The following BMP5 variants were observed in gnomAD, a reference collection of about 807,000 sequenced individuals.
The protein encoded by BMP5 is bone morphogenetic protein 5.
BMP5 carries 23 observed loss-of-function variants against 46.6 expected under a neutral mutation model. The ratio of observed to expected loss-of-function variants is 0.49; its 90% CI spans 0.35 to 0.70. The LOEUF (loss-of-function observed/expected upper bound fraction) is 0.70, where lower values mean the gene tolerates loss of function less well. Among genes scored for constraint, BMP5 ranks in the 30% least tolerant of loss-of-function variants. The pLI is 0.00. For synonymous variants in BMP5, 204 were observed against 191.9 expected, an observed-to-expected ratio of 1.06 and a Z score of -0.52; for missense variants, 545 against 565.6, an observed-to-expected ratio of 0.96 and a Z score of 0.37.
intron 1 of BMP5, among the ~76,000 whole-genome samples, chr6:55,872,728 CTTCT>C (rs1777814765): frequency 6.6e-6 from 1 of 151,704 alleles, no homozygotes; most frequent in African/African-American, 2.4e-5. Context: ...CATACATATG[CTTCT>C]TTGTCAGATT....
intron 1 of BMP5, among the ~76,000 whole-genome samples, chr6:55,839,495 TG>T (rs1484854147): frequency 6.6e-6 from 1 of 152,060 alleles, no homozygotes; most frequent in African/African-American, 2.4e-5. Context: ...TTCAATTTTT[TG>T]TAAAGACAGG....
intron 4 of BMP5, among the ~76,000 whole-genome samples, chr6:55,762,503 G>T (rs1395304711): frequency 6.6e-6 from 1 of 152,098 alleles, no homozygotes; most frequent in African/African-American, 2.4e-5. Flanking sequence ...CATTAAAACA[G>T]ATTAAATAAG....
intron 3 of BMP5, among the ~76,000 whole-genome samples, chr6:55,782,196 T>G (rs1775335855): frequency 6.6e-6 from 1 of 152,142 alleles, no homozygotes. Flanking sequence ...TTTGATTTGG[T>G]CATTACACTT....
chr6:55,757,455 T>G (rs2127514281), intron 6 of BMP5, among the ~76,000 whole-genome samples: 1 of 152,120 alleles, frequency 6.6e-6, no homozygotes, highest in East Asian at 1.9e-4. Flanking sequence ...CTGATATGCT[T>G]TCATGTCAAC....
intron 3 of BMP5, among the ~76,000 whole-genome samples, chr6:55,783,625 G>T (rs1335251427): frequency 1.3e-5 from 2 of 152,018 alleles, no homozygotes; most frequent in Non-Finnish European, 2.9e-5. Context: ...AGAAAAGAAA[G>T]AGTCAACCCT....
chr6:55,851,217 C>A (rs1777237352), intron 1 of BMP5, among the ~76,000 whole-genome samples: 1 of 151,560 alleles, frequency 6.6e-6, no homozygotes, highest in South Asian at 2.1e-4. Context: ...TTCTTCTCCC[C>A]ATTCTAAGCA....
At chr6:55,773,462 T>C (rs941464692) in intron 4 of BMP5, among the ~76,000 whole-genome samples, 1 of 151,842 alleles carries the variant, frequency 6.6e-6, no homozygotes, top group Non-Finnish European at 1.5e-5. Context: ...AAGACTGACA[T>C]GAATTGTGCA....
At chr6:55,865,509 T>C in intron 1 of BMP5, 1 of 437,990 alleles carries the variant, frequency 2.3e-6, no homozygotes, top group Admixed American at 2.6e-5. Flanking sequence ...GGCTCTGACA[T>C]AGACTGACCT....
chr6:55,773,207 G>A lies in BMP5; in HGVS notation c.1027+842C>T, dbSNP rs182323681. On this transcript the variant is annotated intron_variant, in intron 4 of 6. Coordinates refer to ENST00000370830, the MANE Select transcript of BMP5 (RefSeq NM_021073.4). ...GAATGCATATTTGACAAATAGATAA[G>A]TATGTGATACTACATTGAGATGTTC... Among the ~76,000 whole-genome samples the A allele has an allele frequency of 2.5e-3, 385 of 152,002 alleles. 1 individual carries two copies. Among genetic ancestry groups the A allele is most frequent in the Non-Finnish European group, 4.8e-3 (325 of 67,920 alleles).
chr6:55,832,147 C>G (rs1012696775), intron 1 of BMP5, among the ~76,000 whole-genome samples: 1 of 152,200 alleles, frequency 6.6e-6, no homozygotes, highest in African/African-American at 2.4e-5. Flanking sequence ...ACAAGTAGCT[C>G]TCCTGACATG....
At chr6:55,768,506 T>C (rs1203220299) in intron 4 of BMP5, among the ~76,000 whole-genome samples, 1 of 151,908 alleles carries the variant, frequency 6.6e-6, no homozygotes, top group Non-Finnish European at 1.5e-5. Context: ...GTTATGGGCA[T>C]GTGTAAGGGA....
chr6:55,845,580 C>G (rs921027268), intron 1 of BMP5, among the ~76,000 whole-genome samples: 1 of 151,944 alleles, frequency 6.6e-6, no homozygotes, highest in Non-Finnish European at 1.5e-5. Flanking sequence ...TGTACTGACA[C>G]TTTAAAATTA....
chr6:55,829,039 C>T (rs1001703129), intron 1 of BMP5, among the ~76,000 whole-genome samples: 3 of 151,740 alleles, frequency 2.0e-5, no homozygotes, highest in African/African-American at 7.3e-5. Flanking sequence ...AATAGAGACA[C>T]ATTAGTTTTA....
intron 6 of BMP5, among the ~76,000 whole-genome samples, chr6:55,756,053 A>G (rs1448046813): frequency 6.6e-6 from 1 of 152,026 alleles, no homozygotes; most frequent in African/African-American, 2.4e-5. Context: ...AAGTTACAAG[A>G]GCAAATCAAT....
At chr6:55,837,017 T>C (rs999020440) in intron 1 of BMP5, among the ~76,000 whole-genome samples, 2 of 152,036 alleles carry the variant, frequency 1.3e-5, no homozygotes, top group Admixed American at 1.3e-4. Flanking sequence ...GAAGAATTGC[T>C]GAAAATTATG....
At chr6:55,854,910 T>G (rs1022055176) in intron 1 of BMP5, among the ~76,000 whole-genome samples, 4 of 152,170 alleles carry the variant, frequency 2.6e-5, no homozygotes, top group African/African-American at 9.6e-5. Flanking sequence ...TTTTTTATAT[T>G]TTTGTATGCA....
rs979276603 is a variant in BMP5 at position 55,874,495 on chromosome 6, G to A, written c.371C>T (p.Pro124Leu). ...CGTCCGAGATAACTGTATGCGACGA[G>A]GATACCCATTGGGAGAGGCTGGGTA... ...KGYPASPNGY[P>L]RRIQLSRTTP... The change falls in exon 1 of 7, where the codon CCT (proline) becomes CTT (leucine). Residue 124 changes from proline to leucine, a missense_variant. By Grantham distance (98) the Pro-to-Leu change is moderately conservative (BLOSUM62 -3). Transcript: ENST00000370830. 6.2e-7 allele frequency: 1 copy of A among 1,613,404 alleles called. No homozygotes were observed. The highest frequency in any genetic ancestry group is 1.7e-5 in the Admixed American group (1 of 59,908).
intron 1 of BMP5, among the ~76,000 whole-genome samples, chr6:55,853,138 TAAATAAAATAAAATAAAATA>T (rs750937640): frequency 0.12 from 13,302 of 107,312 alleles, 1,093 homozygotes; most frequent in African/African-American, 0.17. Flanking sequence ...CTCAAATACA[TAAATAAAATAAAATAAAATA>T]AAATAAAATA....
chr6:55,794,212 T>TA (rs1305703804), intron 3 of BMP5, 67 bp downstream of exon 3: 3 of 1,556,976 alleles, frequency 1.9e-6, no homozygotes, highest in East Asian at 2.3e-5. Context: ...TTATATCACA[T>TA]AAAAAACGAT....
Sources: gnomAD v4.1 joint callset for allele counts (sites outside exome capture counted in the v4.1 genomes callset) on GRCh38, gnomAD v4.1.1 for gene constraint, MANE v1.5 for transcripts, NCBI Gene and HGNC (gene_info 2026-07-23, HGNC 2026-07-21) for gene names.